Variants in SLC25A12 observed in about 807,000 individuals in gnomAD.
SLC25A12 encodes the protein electrogenic aspartate/glutamate antiporter SLC25A12, mitochondrial.
In SLC25A12, 32 loss-of-function variants were observed where a neutral mutation model predicts 83.3. The observed-to-expected ratio is 0.38, with a 90% CI of 0.29 to 0.52. SLC25A12 has a LOEUF of 0.52. Ranked by LOEUF, SLC25A12 falls within the 20% of genes least tolerant of loss-of-function variation. The pLI, the probability that SLC25A12 is intolerant of heterozygous loss-of-function variation, is 0.84. For missense variants in SLC25A12, 611 were observed against 835.6 expected (o/e 0.73, Z 3.31); for synonymous variants, 267 against 291.1 (o/e 0.92, Z 0.84).
chr2:171,815,249 G>T, intron 9 of SLC25A12, 47 bp from the exon 10 acceptor site: 2 of 1,310,814 alleles, frequency 1.5e-6, no homozygotes, highest in Non-Finnish European at 2.2e-6. Context: ...AGCGCACACA[G>T]CAAGTGAAAA....
At chr2:171,886,659 G>A (rs987951455) in intron 2 of SLC25A12, among the ~76,000 whole-genome samples, 10 of 151,748 alleles carry the variant, frequency 6.6e-5, no homozygotes, top group East Asian at 1.9e-4. Flanking sequence ...ACAGGCACCC[G>A]CCACCATGCC....
chr2:171,822,074 T>C (rs370451791), intron 9 of SLC25A12, among the ~76,000 whole-genome samples: 1 of 152,176 alleles, frequency 6.6e-6, no homozygotes, highest in African/African-American at 2.4e-5. Context: ...TCAGCCAGCA[T>C]CAAAAAATTA....
rs549249513 is a variant in SLC25A12 at position 171,842,793 on chromosome 2, G to A, written c.465+1576C>T. On this transcript the variant is annotated intron_variant, in intron 5 of 17. Transcript: ENST00000422440. ...GAACTAGATATAAGACACTGTGAAC[G>A]TACTAAATGCCACTCAATTGTGCAC... is the stretch of plus-strand genomic sequence containing the variant. Among the ~76,000 whole-genome samples the A allele has an allele frequency of 2.2e-4, 33 of 152,152 alleles. 1 individual carries two copies. In the South Asian group the frequency reaches 4.2e-3, roughly 19 times the overall value.
At chr2:171,811,821 A>G (rs1683950878) in intron 11 of SLC25A12, among the ~76,000 whole-genome samples, 1 of 152,252 alleles carries the variant, frequency 6.6e-6, no homozygotes, top group African/African-American at 2.4e-5. Context: ...TAAACTATGC[A>G]GTAAATATCT....
At chr2:171,883,926 C>A (rs1685752895) in intron 2 of SLC25A12, among the ~76,000 whole-genome samples, 1 of 149,346 alleles carries the variant, frequency 6.7e-6, no homozygotes, top group Non-Finnish European at 1.5e-5. Context: ...AGTAGCATGA[C>A]CCTAGCTCAC....
At chr2:171,799,015 C>T (rs34370641) in intron 13 of SLC25A12, among the ~76,000 whole-genome samples, 1 of 152,052 alleles carries the variant, frequency 6.6e-6, no homozygotes, top group Non-Finnish European at 1.5e-5. Context: ...CTTGTCTCTC[C>T]TACCATGCAA....
chr2:171,886,548 C>A (rs553689333), intron 2 of SLC25A12, among the ~76,000 whole-genome samples: 1 of 149,332 alleles, frequency 6.7e-6, no homozygotes, highest in South Asian at 2.1e-4. Context: ...TTCGCTCTGT[C>A]GCCCAGGCTG....
chr2:171,868,158 C>A (rs1265595397), intron 3 of SLC25A12, among the ~76,000 whole-genome samples: 1 of 151,676 alleles, frequency 6.6e-6, no homozygotes, highest in Non-Finnish European at 1.5e-5. Flanking sequence ...ATACATTTTT[C>A]ATAATGATTT....
intron 13 of SLC25A12, among the ~76,000 whole-genome samples, chr2:171,797,549 CA>C (rs999716755): frequency 1.6e-4 from 24 of 152,152 alleles, no homozygotes; most frequent in Admixed American, 3.3e-4. Flanking sequence ...ATTAACTACG[CA>C]ACAACAACAA....
intron 13 of SLC25A12, among the ~76,000 whole-genome samples, chr2:171,808,711 ATTATACT>A (rs1683885560): frequency 6.6e-6 from 1 of 152,098 alleles, no homozygotes. Flanking sequence ...TTTTTTTGTT[ATTATACT>A]TTAAGTTTTA....
intron 13 of SLC25A12, among the ~76,000 whole-genome samples, chr2:171,804,718 C>T (rs1384913563): frequency 2.6e-5 from 4 of 152,130 alleles, no homozygotes; most frequent in African/African-American, 9.7e-5. Flanking sequence ...TCAAGGCCAG[C>T]CTGGCCAAGT....
intron 4 of SLC25A12, among the ~76,000 whole-genome samples, chr2:171,849,480 A>G (rs886974461): frequency 6.6e-6 from 1 of 150,796 alleles, no homozygotes; most frequent in Admixed American, 6.6e-5. Flanking sequence ...ATTAAGCTAT[A>G]TATTTATTAT....
At chr2:171,834,603 C>T in intron 7 of SLC25A12, 124 bp downstream of exon 7, 1 of 1,099,072 alleles carries the variant, frequency 9.1e-7, no homozygotes, top group South Asian at 1.3e-5. Context: ...GTAAAGCATA[C>T]ATACACATGG....
At chr2:171,841,148 T>C (rs1182667627) in intron 5 of SLC25A12, among the ~76,000 whole-genome samples, 1 of 152,302 alleles carries the variant, frequency 6.6e-6, no homozygotes, top group South Asian at 2.1e-4. Flanking sequence ...GGCCTGTCCT[T>C]GGCTTACTGC....
Position 171,783,700 on chromosome 2 carries a change from G to A in SLC25A12, c.*1574C>T, listed in dbSNP as rs1382257635. ...ATTCTTTTGTAATCACATATCCATG[G>A]ACTACTTATATATTTCTAACAAGTG... On this transcript the variant is annotated 3_prime_UTR_variant, in exon 18 of 18. Transcript: ENST00000422440. Among the ~76,000 whole-genome samples, 1 of 152,110 alleles carries A rather than the reference G, an allele frequency of 6.6e-6. No homozygotes were observed. Among genetic ancestry groups the A allele is most frequent in the Non-Finnish European group, 1.5e-5 (1 of 68,010 alleles).
chr2:171,875,163 T>G (rs1685538031), intron 2 of SLC25A12, among the ~76,000 whole-genome samples: 1 of 152,142 alleles, frequency 6.6e-6, no homozygotes, highest in Non-Finnish European at 1.5e-5. Flanking sequence ...CCGCAACCAA[T>G]CAGACCAATT....
intron 13 of SLC25A12, among the ~76,000 whole-genome samples, chr2:171,794,852 G>A (rs1683568090): frequency 6.6e-6 from 1 of 151,354 alleles, no homozygotes; most frequent in Non-Finnish European, 1.5e-5. Context: ...TGAAATCTGG[G>A]GCACTGTAAT....
intron 9 of SLC25A12, among the ~76,000 whole-genome samples, chr2:171,820,647 G>A (rs529612760): frequency 0.021 from 2,947 of 139,514 alleles, 129 homozygotes; most frequent in Middle Eastern, 0.042. Context: ...AGAATGGCGT[G>A]AACCCGGGAG....
intron 8 of SLC25A12, among the ~76,000 whole-genome samples, chr2:171,831,462 AAAG>A (rs1290334470): frequency 2.0e-5 from 3 of 152,250 alleles, no homozygotes; most frequent in Non-Finnish European, 4.4e-5. Context: ...GTTATGAAGA[AAAG>A]AAATTTTATA....
Sources: gnomAD v4.1 joint callset for allele counts (sites outside exome capture counted in the v4.1 genomes callset) on GRCh38, gnomAD v4.1.1 for gene constraint, MANE v1.5 for transcripts, NCBI Gene and HGNC (gene_info 2026-07-23, HGNC 2026-07-21) for gene names.